NXN: variants seen among roughly 807,000 people sequenced by gnomAD.
NXN encodes the protein nucleoredoxin.
A neutral mutation model predicts 48.6 loss-of-function variants in NXN; 16 were observed. The ratio of observed to expected loss-of-function variants is 0.33; its 90% CI spans 0.22 to 0.50. The LOEUF (loss-of-function observed/expected upper bound fraction) is 0.50. Among genes scored for constraint, NXN ranks in the 20% least tolerant of loss-of-function variants. The probability of loss-of-function intolerance (pLI) is 0.98; values close to 1 mark genes in which losing one functional copy is unlikely to be tolerated. For synonymous variants in NXN, 281 were observed against 269.6 expected (o/e 1.04, Z -0.41); for missense variants, 492 against 605.5 (o/e 0.81, Z 1.97).
intron 1 of NXN, among the ~76,000 whole-genome samples, chr17:970,530 C>T (rs552527813): frequency 6.0e-4 from 91 of 152,194 alleles, no homozygotes; most frequent in African/African-American, 2.0e-3. Context: ...AAGCAACCAG[C>T]GAATGTTTCA....
chr17:935,043 G>A (rs745796958), intron 1 of NXN, among the ~76,000 whole-genome samples: 10 of 151,718 alleles, frequency 6.6e-5, no homozygotes, highest in African/African-American at 1.7e-4. Flanking sequence ...CCAGGCTGGA[G>A]TGCAGTGGTG....
intron 5 of NXN, among the ~76,000 whole-genome samples, chr17:812,359 TG>T (rs1387081038): frequency 1.3e-5 from 2 of 152,216 alleles, no homozygotes; most frequent in Admixed American, 1.3e-4. Context: ...CGGCTCCCTT[TG>T]GGTGCAGGCA....
chr17:819,887 CG>C (rs1567816826), intron 4 of NXN, among the ~76,000 whole-genome samples: 2 of 152,180 alleles, frequency 1.3e-5, no homozygotes, highest in African/African-American at 4.8e-5. Flanking sequence ...TGCATACCCG[CG>C]GGAGTTCTAA....
At chr17:924,773 G>A (rs1274135877) in intron 1 of NXN, among the ~76,000 whole-genome samples, 2 of 152,158 alleles carry the variant, frequency 1.3e-5, no homozygotes, top group African/African-American at 4.8e-5. Context: ...GCAGCACCAA[G>A]CCTCATTCAG....
At chr17:870,443 G>A (rs2068139510) in intron 1 of NXN, among the ~76,000 whole-genome samples, 1 of 152,148 alleles carries the variant, frequency 6.6e-6, no homozygotes, top group African/African-American at 2.4e-5. Context: ...GGAAGGGCCA[G>A]GTTGAATGAA....
chr17:975,682 C>T (rs1015932162), intron 1 of NXN, among the ~76,000 whole-genome samples: 4 of 152,296 alleles, frequency 2.6e-5, no homozygotes, highest in Non-Finnish European at 5.9e-5. Flanking sequence ...GTCAGTGCAC[C>T]CACACTGACC....
chr17:948,842 C>A (rs1286227769), intron 1 of NXN, among the ~76,000 whole-genome samples: 4 of 135,868 alleles, frequency 2.9e-5, no homozygotes, highest in Admixed American at 7.2e-5. Flanking sequence ...CTCCTCTCCC[C>A]CCTGCCTCCT....
intron 1 of NXN, among the ~76,000 whole-genome samples, chr17:889,211 C>T (rs1405475900): frequency 1.3e-5 from 2 of 152,020 alleles, no homozygotes; most frequent in African/African-American, 2.4e-5. Flanking sequence ...AGCGCCTGCA[C>T]GTGCCACACT....
intron 1 of NXN, chr17:880,122 AT>A (rs1478750072): frequency 6.6e-6 from 1 of 152,006 alleles, no homozygotes; most frequent in Non-Finnish European, 1.5e-5. Flanking sequence ...TTTTAAAATG[AT>A]TGTTTCAGTG....
At chr17:885,829 C>T (rs1314927902) in intron 1 of NXN, among the ~76,000 whole-genome samples, 20 of 148,588 alleles carry the variant, frequency 1.3e-4, no homozygotes, top group South Asian at 6.4e-4. Flanking sequence ...TACAGGCGCC[C>T]GCCACCACGC....
intron 1 of NXN, among the ~76,000 whole-genome samples, chr17:916,551 T>C (rs76940687): frequency 0.094 from 14,355 of 152,218 alleles, 711 homozygotes; most frequent in East Asian, 0.14. Flanking sequence ...CCAGCTGCAG[T>C]AGCTACTGTA....
At chr17:946,409 C>T (rs145709341) in intron 1 of NXN, among the ~76,000 whole-genome samples, 4,557 of 152,210 alleles carry the variant, frequency 0.03, 104 homozygotes, top group Non-Finnish European at 0.045. Flanking sequence ...CCTCGTGATC[C>T]GCCCGCCTAG....
At chr17:801,203 T>A in intron 7 of NXN, 72 bp from the exon 8 acceptor site, 1 of 1,244,778 alleles carries the variant, frequency 8.0e-7, no homozygotes, top group East Asian at 2.9e-5. Context: ...CTGGGCCCAG[T>A]CTCCCCAGGT....
intron 1 of NXN, among the ~76,000 whole-genome samples, chr17:972,297 C>T (rs1326114194): frequency 6.6e-6 from 1 of 150,652 alleles, no homozygotes; most frequent in African/African-American, 2.4e-5. Context: ...AACAAAACTC[C>T]ATCTCAAAAA....
At chr17:845,924 G>A (rs1214909868) in intron 1 of NXN, among the ~76,000 whole-genome samples, 2 of 152,116 alleles carry the variant, frequency 1.3e-5, no homozygotes, top group Non-Finnish European at 2.9e-5. Flanking sequence ...TTAGCCGGGT[G>A]TGGTGGCTCA....
intron 1 of NXN, among the ~76,000 whole-genome samples, chr17:860,229 T>C (rs1264186130): frequency 6.6e-6 from 1 of 152,280 alleles, no homozygotes; most frequent in African/African-American, 2.4e-5. Flanking sequence ...GTTCAAGTGA[T>C]TCTCCTGCCT....
intron 1 of NXN, among the ~76,000 whole-genome samples, chr17:837,981 C>G (rs1052299814): frequency 2.0e-5 from 3 of 152,162 alleles, no homozygotes; most frequent in African/African-American, 7.2e-5. Context: ...ACAAAGCCAC[C>G]GAGCATGATA....
intron 1 of NXN, among the ~76,000 whole-genome samples, chr17:914,913 C>T (rs1052674733): frequency 7.2e-5 from 11 of 152,074 alleles, no homozygotes; most frequent in Middle Eastern, 3.4e-3. Flanking sequence ...GGGGTGAAAT[C>T]GCAGACACTT....
intron 1 of NXN, among the ~76,000 whole-genome samples, chr17:851,402 C>A (rs552028536): frequency 2.6e-5 from 4 of 152,356 alleles, no homozygotes; most frequent in African/African-American, 9.6e-5. Context: ...GGACGGGAAG[C>A]AGAGGGGCTG....
Sources: gnomAD v4.1 joint callset for allele counts (sites outside exome capture counted in the v4.1 genomes callset) on GRCh38, gnomAD v4.1.1 for gene constraint, MANE v1.5 for transcripts, NCBI Gene and HGNC (gene_info 2026-07-23, HGNC 2026-07-21) for gene names.